The following NUBPL variants were observed in gnomAD, a reference collection of about 807,000 sequenced individuals.
NUBPL encodes NUBP iron-sulfur cluster assembly factor, mitochondrial.
Under a neutral mutation model 45.7 loss-of-function variants are expected in NUBPL, and 31 were observed. That is an observed-to-expected ratio of 0.68 (90% CI 0.51 to 0.92). The LOEUF is 0.92. NUBPL is among the 40% of genes least tolerant of loss of function. The pLI is 0.00. For synonymous variants in NUBPL, 144 were observed against 140.9 expected, an observed-to-expected ratio of 1.02 and a Z score of -0.15; for missense variants, 401 against 398.7, an observed-to-expected ratio of 1.01 and a Z score of -0.05.
intron 4 of NUBPL, among the ~76,000 whole-genome samples, chr14:31,664,183 G>A (rs538733179): frequency 1.3e-5 from 2 of 151,714 alleles, no homozygotes; most frequent in South Asian, 4.2e-4. Context: ...GTCATCTGCA[G>A]AGACAATTTG....
intron 7 of NUBPL, among the ~76,000 whole-genome samples, chr14:31,806,090 A>C (rs1355764991): frequency 6.6e-6 from 1 of 152,172 alleles, no homozygotes; most frequent in Non-Finnish European, 1.5e-5. Flanking sequence ...ACAGTTTAAA[A>C]AGTTGTGCAC....
At chr14:31,586,513 G>A (rs1316627910) in intron 3 of NUBPL, among the ~76,000 whole-genome samples, 2 of 152,172 alleles carry the variant, frequency 1.3e-5, no homozygotes, top group East Asian at 1.9e-4. Context: ...GTAGTGCGGT[G>A]GAGTGGCATT....
At chr14:31,702,561 A>G (rs1471614238) in intron 6 of NUBPL, among the ~76,000 whole-genome samples, 3 of 152,240 alleles carry the variant, frequency 2.0e-5, no homozygotes, top group East Asian at 1.9e-4. Flanking sequence ...CTGGTTTCCA[A>G]AATGAATGTA....
At chr14:31,608,639 A>G (rs555730528) in intron 4 of NUBPL, among the ~76,000 whole-genome samples, 7 of 152,332 alleles carry the variant, frequency 4.6e-5, no homozygotes, top group African/African-American at 1.7e-4. Flanking sequence ...CTCACTCGTA[A>G]TAGTAAGTAT....
At chr14:31,609,753 A>T (rs148724779) in intron 4 of NUBPL, among the ~76,000 whole-genome samples, 109 of 152,338 alleles carry the variant, frequency 7.2e-4, no homozygotes, top group African/African-American at 2.5e-3. Context: ...AAAATTGGAA[A>T]TCCATAACAA....
At chr14:31,745,941 G>C (rs1270309625) in intron 6 of NUBPL, among the ~76,000 whole-genome samples, 1 of 151,936 alleles carries the variant, frequency 6.6e-6, no homozygotes, top group Admixed American at 6.5e-5. Context: ...GCCATCTAGT[G>C]GATGTTTGTG....
chr14:31,633,427 G>C (rs1400993436), intron 4 of NUBPL, among the ~76,000 whole-genome samples: 2 of 152,178 alleles, frequency 1.3e-5, no homozygotes, highest in African/African-American at 2.4e-5. Context: ...ACATTTTAGA[G>C]CTTGGAGAGA....
chr14:31,668,120 G>T (rs1327016631), intron 4 of NUBPL: 1 of 152,416 alleles, frequency 6.6e-6, no homozygotes, highest in African/African-American at 2.4e-5. Flanking sequence ...TTCAGAGTCG[G>T]CAGGCAGGAA....
At chr14:31,849,921 ACTGTACTACT>A in intron 9 of NUBPL, 188 bp from the exon 10 acceptor site, 1 of 602,262 alleles carries the variant, frequency 1.7e-6, no homozygotes, top group South Asian at 2.0e-5. Flanking sequence ...ACATACAATC[ACTGTACTACT>A]CTAAAATAGA....
chr14:31,637,476 T>C (rs1384515855), intron 4 of NUBPL, among the ~76,000 whole-genome samples: 1 of 152,228 alleles, frequency 6.6e-6, no homozygotes, highest in Non-Finnish European at 1.5e-5. Flanking sequence ...ATTTCTGTTC[T>C]TTTACATTTG....
At chr14:31,823,341 A>G (rs768148070) in intron 7 of NUBPL, among the ~76,000 whole-genome samples, 88 of 152,146 alleles carry the variant, frequency 5.8e-4, no homozygotes, top group Non-Finnish European at 1.1e-3. Flanking sequence ...TTGAAGCTAT[A>G]TTGTGTAATG....
At chr14:31,615,294 A>G (rs1566449180) in intron 4 of NUBPL, among the ~76,000 whole-genome samples, 1 of 151,724 alleles carries the variant, frequency 6.6e-6, no homozygotes, top group Non-Finnish European at 1.5e-5. Context: ...AGTCAATTAA[A>G]CCTTTTTTAT....
At chr14:31,686,008 A>G (rs1366136754) in intron 6 of NUBPL, among the ~76,000 whole-genome samples, 5 of 152,194 alleles carry the variant, frequency 3.3e-5, no homozygotes, top group Non-Finnish European at 7.3e-5. Context: ...GCTTAGGCAT[A>G]CAATGGTACA....
chr14:31,830,996 T>G (rs1216854557), intron 8 of NUBPL, among the ~76,000 whole-genome samples: 1 of 152,154 alleles, frequency 6.6e-6, no homozygotes, highest in African/African-American at 2.4e-5. Flanking sequence ...GTACTTAGAT[T>G]AAACAAAAAG....
intron 8 of NUBPL, among the ~76,000 whole-genome samples, chr14:31,832,357 G>A (rs1268698601): frequency 1.3e-5 from 2 of 152,160 alleles, no homozygotes; most frequent in Admixed American, 1.3e-4. Context: ...GGAATCGATT[G>A]TATAGGGTAG....
At chr14:31,815,614 A>G (rs1340196458) in intron 7 of NUBPL, among the ~76,000 whole-genome samples, 1 of 151,944 alleles carries the variant, frequency 6.6e-6, no homozygotes, top group Non-Finnish European at 1.5e-5. Flanking sequence ...GTCTTGTGTC[A>G]TTTTTCGAAG....
intron 6 of NUBPL, among the ~76,000 whole-genome samples, chr14:31,729,287 C>A (rs912558183): frequency 6.9e-6 from 1 of 145,788 alleles, no homozygotes; most frequent in African/African-American, 2.6e-5. Context: ...CCCCCCCCCC[C>A]CAAAAAAAAA....
At chr14:31,698,773 G>GTTCACTACT (rs1444822662) in intron 6 of NUBPL, among the ~76,000 whole-genome samples, 1 of 151,082 alleles carries the variant, frequency 6.6e-6, no homozygotes, top group Admixed American at 6.6e-5. Context: ...ATGTGTCTGT[G>GTTCACTACT]TTCACTACTT....
chr14:31,648,361 G>C (rs2035911475), intron 4 of NUBPL, among the ~76,000 whole-genome samples: 1 of 152,202 alleles, frequency 6.6e-6, no homozygotes, highest in Admixed American at 6.5e-5. Context: ...TCACATGCTA[G>C]TCAGGTAGAA....
Sources: allele counts gnomAD v4.1 joint callset (sites outside exome capture counted in the v4.1 genomes callset), GRCh38; gene constraint gnomAD v4.1.1; transcripts MANE v1.5; gene names NCBI Gene and HGNC (gene_info 2026-07-23, HGNC 2026-07-21).